MYLK4: variants seen among roughly 807,000 people sequenced by gnomAD.
MYLK4 encodes caMLCK like.
In MYLK4, 46 loss-of-function variants were observed where a neutral mutation model predicts 48.1. The observed-to-expected ratio is 0.96, with a 90% CI of 0.75 to 1.22. The LOEUF is 1.22. MYLK4 is among the 50% of genes most tolerant of loss of function. The probability of loss-of-function intolerance (pLI) is 0.00; values close to 1 mark genes in which losing one functional copy is unlikely to be tolerated. For missense variants in MYLK4, 451 were observed against 486.1 expected (o/e 0.93, Z 0.68); for synonymous variants, 170 against 180.8 (o/e 0.94, Z 0.48).
chr6:2,704,915 T>A (rs935294971), intron 2 of MYLK4, among the ~76,000 whole-genome samples: 11 of 152,364 alleles, frequency 7.2e-5, no homozygotes, highest in African/African-American at 2.4e-4. Flanking sequence ...ATCACTCTAA[T>A]GTCCCCTCAG....
rs116648921 is a variant in MYLK4 at position 2,720,604 on chromosome 6, G to T, written c.160-27745C>A. On this transcript the variant is annotated intron_variant, in intron 2 of 12. Coordinates refer to ENST00000274643, the MANE Select transcript of MYLK4 (RefSeq NM_001012418.5). ...CAACCTAATATCTTCAGGGAAATAA[G>T]AAAATGTATTAAATCTATGTCACAA... Among the ~76,000 whole-genome samples the T allele has an allele frequency of 1.0e-2, 1,519 of 152,138 alleles. 27 individuals carry two copies. Among genetic ancestry groups the T allele is most frequent in the African/African-American group, 0.033 (1,357 of 41,490 alleles).
rs1435275439 is a variant in MYLK4 at position 2,749,334 on chromosome 6, G to GA, written c.-41_-40insT. 2 of 1,560,128 alleles carry GA rather than the reference G, an allele frequency of 1.3e-6. No homozygotes were observed. The highest frequency in any genetic ancestry group is 2.7e-5 in the African/African-American group (2 of 73,520). ...CGATTAAGCTACTTTCTGGAGTGTG[G>GA]TTTTCGTCTCCCTCTGTCTCCGATT... On this transcript the variant is annotated 5_prime_UTR_variant, in exon 2 of 13. Transcript: ENST00000274643.
chr6:2,681,348 C>T (rs11754008), intron 7 of MYLK4, among the ~76,000 whole-genome samples: 12,607 of 152,226 alleles, frequency 0.083, 554 homozygotes, highest in South Asian at 0.18. Context: ...GGCAGAATAT[C>T]TTTGGAAGCC....
chr6:2,698,317 C>T (rs958582165), intron 2 of MYLK4, among the ~76,000 whole-genome samples: 3 of 152,208 alleles, frequency 2.0e-5, no homozygotes, highest in Admixed American at 1.3e-4. Flanking sequence ...TCTTTTCAAA[C>T]CTCCTCAGCT....
chr6:2,699,041 C>T (rs1437385530), intron 2 of MYLK4, among the ~76,000 whole-genome samples: 2 of 152,138 alleles, frequency 1.3e-5, no homozygotes, highest in Non-Finnish European at 2.9e-5. Flanking sequence ...ATAACCCCGC[C>T]AGGAAAATTA....
At chr6:2,698,220 C>T (rs2113202392) in intron 2 of MYLK4, among the ~76,000 whole-genome samples, 1 of 152,284 alleles carries the variant, frequency 6.6e-6, no homozygotes, top group East Asian at 1.9e-4. Flanking sequence ...TGACCCACAG[C>T]CTGGACTCTG....
intron 2 of MYLK4, among the ~76,000 whole-genome samples, chr6:2,708,718 G>A (rs976086816): frequency 2.0e-5 from 3 of 152,120 alleles, no homozygotes; most frequent in African/African-American, 7.2e-5. Context: ...AAAAGTCCTA[G>A]TTCCCATGAA....
chr6:2,669,487 T>G (rs2113074596), intron 12 of MYLK4, among the ~76,000 whole-genome samples: 3 of 152,270 alleles, frequency 2.0e-5, no homozygotes, highest in Admixed American at 2.0e-4. Flanking sequence ...TGGCACCCAG[T>G]GAATTCATTC....
chr6:2,706,026 T>C (rs1446433713), intron 2 of MYLK4, among the ~76,000 whole-genome samples: 1 of 152,172 alleles, frequency 6.6e-6, no homozygotes, highest in Non-Finnish European at 1.5e-5. Flanking sequence ...ATGTTTAAAA[T>C]GTTTTTGCCA....
At chr6:2,694,525 T>C (rs1359958807) in intron 2 of MYLK4, among the ~76,000 whole-genome samples, 2 of 9,892 alleles carry the variant, frequency 2.0e-4, no homozygotes, top group Non-Finnish European at 1.8e-4. Flanking sequence ...GTGGTGGTGG[T>C]GGTGGTAGTA....
chr6:2,713,835 G>A (rs1393588116), intron 2 of MYLK4, among the ~76,000 whole-genome samples: 1 of 152,118 alleles, frequency 6.6e-6, no homozygotes, highest in Non-Finnish European at 1.5e-5. Flanking sequence ...TAGAGAAACC[G>A]GCTTGGTAAA....
At chr6:2,686,908 C>G (rs1761577277) in intron 4 of MYLK4, among the ~76,000 whole-genome samples, 1 of 152,208 alleles carries the variant, frequency 6.6e-6, no homozygotes, top group African/African-American at 2.4e-5. Flanking sequence ...GGCCGCAGAA[C>G]CTCCTGAGCC....
chr6:2,697,834 G>A (rs368643334), intron 2 of MYLK4, among the ~76,000 whole-genome samples: 7 of 152,188 alleles, frequency 4.6e-5, no homozygotes, highest in African/African-American at 1.7e-4. Context: ...CTTCCCCTTC[G>A]TTTCCCCAGC....
At chr6:2,733,116 A>AT in intron 2 of MYLK4, among the ~76,000 whole-genome samples, 1 of 152,304 alleles carries the variant, frequency 6.6e-6, no homozygotes, top group South Asian at 2.1e-4. Context: ...TTCTTTTTGA[A>AT]TTATTTATAA....
the MYLK4 span, chr6:2,765,857 G>T: frequency 2.1e-6 from 3 of 1,439,224 alleles, no homozygotes; most frequent in African/African-American, 4.4e-5. Context: ...GGAGAGCTCG[G>T]CGCTGAAGCA....
At chr6:2,724,200 C>A (rs1263686613) in intron 2 of MYLK4, among the ~76,000 whole-genome samples, 1 of 152,116 alleles carries the variant, frequency 6.6e-6, no homozygotes, top group East Asian at 1.9e-4. Context: ...TAAAGATGAC[C>A]TTGTTTTCCC....
intron 2 of MYLK4, among the ~76,000 whole-genome samples, chr6:2,746,760 T>C (rs146882003): frequency 6.6e-6 from 1 of 152,318 alleles, no homozygotes; most frequent in African/African-American, 2.4e-5. Flanking sequence ...TTATAGTCCC[T>C]GGAGAGAAAA....
chr6:2,712,077 A>T (rs1231921786), intron 2 of MYLK4, among the ~76,000 whole-genome samples: 2 of 152,116 alleles, frequency 1.3e-5, no homozygotes, highest in African/African-American at 2.4e-5. Flanking sequence ...GACTGCTGTT[A>T]ACTGGTCTAT....
chr6:2,726,112 G>A (rs1405346373), intron 2 of MYLK4, among the ~76,000 whole-genome samples: 1 of 152,170 alleles, frequency 6.6e-6, no homozygotes, highest in African/African-American at 2.4e-5. Context: ...CTCGTTATCA[G>A]TTGCAAACAT....
Sources: allele counts gnomAD v4.1 joint callset (sites outside exome capture counted in the v4.1 genomes callset), GRCh38; gene constraint gnomAD v4.1.1; transcripts MANE v1.5; gene names NCBI Gene and HGNC (gene_info 2026-07-23, HGNC 2026-07-21).